The following ACTG2 variants were observed in gnomAD, a reference collection of about 807,000 sequenced individuals.
ACTG2 encodes the protein actin, gamma-enteric smooth muscle.
ACTG2 carries 16 observed loss-of-function variants against 37.6 expected under a neutral mutation model. The ratio of observed to expected loss-of-function variants is 0.43; its 90% CI spans 0.29 to 0.65. The LOEUF is 0.65. ACTG2 is among the 30% of genes least tolerant of loss of function. The probability of loss-of-function intolerance (pLI) is 0.18; values close to 1 mark genes in which losing one functional copy is unlikely to be tolerated. For missense variants in ACTG2, 238 were observed against 490.9 expected (o/e 0.48, Z 4.87); for synonymous variants, 181 against 179.9 (o/e 1.01, Z -0.05).
intron 1 of ACTG2, among the ~76,000 whole-genome samples, chr2:73,900,016 C>T (rs1389376067): frequency 6.6e-6 from 1 of 152,214 alleles, no homozygotes. Flanking sequence ...GGTGCTGTCT[C>T]CTCTCTGCTT....
At chr2:73,894,035 G>A (rs1679687906) in intron 1 of ACTG2, among the ~76,000 whole-genome samples, 1 of 152,144 alleles carries the variant, frequency 6.6e-6, no homozygotes, top group Admixed American at 6.5e-5. Context: ...ACTTGGCGAT[G>A]GTGTGAGGAT....
intron 5 of ACTG2, among the ~76,000 whole-genome samples, chr2:73,910,279 TG>T (rs1435537049): frequency 2.6e-4 from 40 of 151,742 alleles, no homozygotes; most frequent in African/African-American, 9.4e-4. Flanking sequence ...CTTACTGTAA[TG>T]TTTTTTACCT....
intron 1 of ACTG2, among the ~76,000 whole-genome samples, chr2:73,896,507 A>G (rs2104800020): frequency 6.6e-6 from 1 of 152,268 alleles, no homozygotes; most frequent in South Asian, 2.1e-4. Context: ...AGCGGAGGAA[A>G]CTAAGGCCCA....
At chr2:73,893,548 T>C (rs1232611879) in intron 1 of ACTG2, among the ~76,000 whole-genome samples, 1 of 152,236 alleles carries the variant, frequency 6.6e-6, no homozygotes, top group Non-Finnish European at 1.5e-5. Flanking sequence ...CCTGTGGGTC[T>C]CTCTGTCCTC....
At chr2:73,907,908 C>A (rs1168686214) in intron 3 of ACTG2, among the ~76,000 whole-genome samples, 2 of 152,160 alleles carry the variant, frequency 1.3e-5, no homozygotes, top group Non-Finnish European at 2.9e-5. Flanking sequence ...ACCAGCCTGG[C>A]CAATAATAGC....
At chr2:73,908,151 G>A (rs372198033) in intron 3 of ACTG2, 151 of 401,370 alleles carry the variant, frequency 3.8e-4, no homozygotes, top group African/African-American at 2.5e-3. Context: ...AAGGGGTCAG[G>A]TGACGAGGGC....
intron 5 of ACTG2, among the ~76,000 whole-genome samples, chr2:73,912,164 T>G (rs34614970): frequency 0.011 from 1,648 of 152,372 alleles, 19 homozygotes; most frequent in Middle Eastern, 0.031. Flanking sequence ...TTTTTGTTTT[T>G]GTTTTCATTT....
In ACTG2 at chr2:73,901,390, GC is replaced by G. The variant is rs751325833; in HGVS notation, c.85del (p.Arg29GlyfsTer16). 1 of 1,614,186 alleles carries G rather than the reference GC, an allele frequency of 6.2e-7. No homozygotes were observed. The highest frequency in any genetic ancestry group is 1.1e-5 in the South Asian group (1 of 91,070). On this transcript the variant is annotated frameshift_variant, in exon 2 of 9. Transcript: ENST00000345517. LOFTEE classifies it high-confidence loss of function. Reference protein sequence around the residue: ...LCKAGFAGDDAPRAVFPSIVG... With the variant: ...LCKAGFAGDDXPRAVFPSIVG... ...CAAGGCAGGCTTCGCAGGAGATGAT[GC>G]CCCCCGGGCTGTCTTCCCCTCCATT...
chr2:73,900,134 G>A (rs945263138), intron 1 of ACTG2, among the ~76,000 whole-genome samples: 8 of 152,110 alleles, frequency 5.3e-5, no homozygotes, highest in African/African-American at 1.9e-4. Flanking sequence ...ACCTGCAATC[G>A]CACATCCTGG....
chr2:73,910,794 T>C (rs2462122), intron 5 of ACTG2, among the ~76,000 whole-genome samples: 91,928 of 151,708 alleles, frequency 0.61, 28,754 homozygotes, highest in Admixed American at 0.72. Context: ...GAACTCCTGA[T>C]CTCAAGTGAT....
Position 73,914,829 on chromosome 2 carries a change from C to A in ACTG2, c.763C>A (p.Arg255Ser). The change falls in exon 7 of 9, where the codon CGC becomes AGC. Residue 255 changes from arginine to serine, a missense_variant. Coordinates refer to ENST00000345517, the MANE Select transcript of ACTG2 (RefSeq NM_001615.4). ...DGQVITIGNE[R>S]FRCPETLFQP... ...GCAGGTTATCACCATTGGCAATGAG[C>A]GCTTCCGCTGCCCTGAGACCCTCTT... The A allele has an allele frequency of 6.2e-7, 1 of 1,604,798 alleles. No homozygotes were observed. Among genetic ancestry groups the A allele is most frequent in the Admixed American group, 1.7e-5 (1 of 59,480 alleles).
At chr2:73,915,958 T>C (rs146392496) in intron 7 of ACTG2, among the ~76,000 whole-genome samples, 1 of 152,200 alleles carries the variant, frequency 6.6e-6, no homozygotes, top group African/African-American at 2.4e-5. Flanking sequence ...TGTTCTAAAA[T>C]TAGATTTTGG....
chr2:73,901,582 CTGT>C (rs1679882049), intron 2 of ACTG2, 145 bp downstream of exon 2: 4 of 52,854 alleles, frequency 7.6e-5, no homozygotes, highest in East Asian at 1.6e-4. Flanking sequence ...GTGTGTGTGT[CTGT>C]GCGTGTGTGT....
intron 6 of ACTG2, among the ~76,000 whole-genome samples, chr2:73,914,201 G>T (rs1680202984): frequency 6.6e-6 from 1 of 152,160 alleles, no homozygotes; most frequent in Non-Finnish European, 1.5e-5. Context: ...GAAGAATTAA[G>T]ATTGAATGGA....
Position 73,901,162 on chromosome 2 carries a change from C to T in ACTG2, c.-36-114C>T, listed in dbSNP as rs991119294. Reference sequence around the variant, plus strand: ...AGTGGGAGGCCAAGCCCATGCCTGTCCCTCCTGGAAGTGTGCCCTGATTGC... The same window carrying T: ...AGTGGGAGGCCAAGCCCATGCCTGTTCCTCCTGGAAGTGTGCCCTGATTGC... On this transcript the variant is annotated intron_variant, in intron 1 of 8. Transcript: ENST00000345517. 3 of 836,604 alleles carry T rather than the reference C, an allele frequency of 3.6e-6. No individual in the cohort carries two copies. In the African/African-American group the frequency reaches 5.3e-5, roughly 15 times the overall value. The allele number at this position is 836,604 out of a possible 1,614,324, so 51.8% of individuals were successfully genotyped here.
chr2:73,906,776 C>A (rs886801506), intron 3 of ACTG2, among the ~76,000 whole-genome samples: 1 of 152,166 alleles, frequency 6.6e-6, no homozygotes, highest in Non-Finnish European at 1.5e-5. Flanking sequence ...CCACACTCGA[C>A]CTTAAAAATA....
At chr2:73,899,148 T>C (rs1259324863) in intron 1 of ACTG2, among the ~76,000 whole-genome samples, 1 of 152,030 alleles carries the variant, frequency 6.6e-6, no homozygotes, top group East Asian at 1.9e-4. Flanking sequence ...AACCCACATA[T>C]AGGAATTCAT....
At chr2:73,910,162 C>T (rs1171382556) in intron 5 of ACTG2, among the ~76,000 whole-genome samples, 1 of 151,488 alleles carries the variant, frequency 6.6e-6, no homozygotes, top group African/African-American at 2.4e-5. Flanking sequence ...TTGCAGTGAG[C>T]CAAGATCACG....
At chr2:73,901,187 C>A in intron 1 of ACTG2, 89 bp from the exon 2 acceptor site, 2 of 1,080,626 alleles carry the variant, frequency 1.9e-6, no homozygotes, top group Non-Finnish European at 2.5e-6. Flanking sequence ...GCCCTGATTG[C>A]AGGTAGGGTC....
Sources: allele counts gnomAD v4.1 joint callset (sites outside exome capture counted in the v4.1 genomes callset), GRCh38; gene constraint gnomAD v4.1.1; transcripts MANE v1.5; gene names NCBI Gene and HGNC (gene_info 2026-07-23, HGNC 2026-07-21).